CCDC63: variants seen among roughly 807,000 people sequenced by gnomAD.
CCDC63 encodes the protein coiled-coil domain-containing protein 63.
Under a neutral mutation model 63.6 loss-of-function variants are expected in CCDC63, and 54 were observed. The ratio of observed to expected loss-of-function variants is 0.85; its 90% CI spans 0.68 to 1.07. The LOEUF is 1.07. CCDC63 is among the 50% of genes least tolerant of loss of function. The pLI is 0.00. For synonymous variants in CCDC63, 253 were observed against 266.1 expected, an observed-to-expected ratio of 0.95 and a Z score of 0.48; for missense variants, 637 against 689.6, an observed-to-expected ratio of 0.92 and a Z score of 0.86.
At chr12:110,846,448 G>C (rs1279384095), upstream of CCDC63, among the ~76,000 whole-genome samples, 1 of 152,066 alleles carries the variant, frequency 6.6e-6, no homozygotes. Flanking sequence ...AGTGGGTGGG[G>C]GTCAGGTGGA....
chr12:110,897,635 C>G (rs1261787469), intron 9 of CCDC63, among the ~76,000 whole-genome samples: 1 of 151,190 alleles, frequency 6.6e-6, no homozygotes, highest in Non-Finnish European at 1.5e-5. Context: ...ATTTTATATT[C>G]ATTTGATTAG....
intron 8 of CCDC63, 130 bp from the exon 9 acceptor site, chr12:110,892,946 C>G (rs2071375513): frequency 4.4e-6 from 3 of 689,214 alleles, no homozygotes; most frequent in Non-Finnish European, 7.5e-6. Context: ...AAGAGGGGCC[C>G]AGGTGTTTGG....
rs1234449641 is a variant in CCDC63 at position 110,889,988 on chromosome 12, T to C, written c.1075-3088T>C. Among the ~76,000 whole-genome samples the C allele has an allele frequency of 6.6e-6, 1 of 152,124 alleles. No homozygotes were observed. The highest frequency in any genetic ancestry group is 1.5e-5 in the Non-Finnish European group (1 of 68,018). On this transcript the variant is annotated intron_variant, in intron 8 of 11. Coordinates refer to ENST00000308208, the MANE Select transcript of CCDC63 (RefSeq NM_152591.3). This position sits in a 1 kb window ranked among gnomAD's most constrained non-coding sequence, Gnocchi z 4.1. ...ATAATTCCATCACACGGACATAGCA[T>C]TGTTTCATCTTTTTGGTAGAGTTCT... is the stretch of plus-strand genomic sequence containing the variant.
chr12:110,891,517 T>C (rs2136721428), intron 8 of CCDC63, among the ~76,000 whole-genome samples: 1 of 150,166 alleles, frequency 6.7e-6, no homozygotes, highest in South Asian at 2.1e-4. Flanking sequence ...TAGTCAGGCA[T>C]GTGCCTGTGG....
chr12:110,851,602 G>A (rs1468420537), intron 1 of CCDC63, among the ~76,000 whole-genome samples: 3 of 152,130 alleles, frequency 2.0e-5, no homozygotes, highest in Admixed American at 6.6e-5. Flanking sequence ...AGGTGGTGGG[G>A]TATGGTCAGC....
chr12:110,868,591 C>T (rs1209841717), intron 4 of CCDC63, among the ~76,000 whole-genome samples: 1 of 151,702 alleles, frequency 6.6e-6, no homozygotes, highest in African/African-American at 2.4e-5. Context: ...TGTGGCGGCG[C>T]GTGCCTGCAA....
intron 1 of CCDC63, among the ~76,000 whole-genome samples, chr12:110,848,275 T>C (rs895423306): frequency 6.6e-6 from 1 of 152,178 alleles, no homozygotes; most frequent in Non-Finnish European, 1.5e-5. Context: ...GTAGGTTGAA[T>C]TGGCCCCATG....
chr12:110,905,054 C>T (rs1384359197), intron 11 of CCDC63, among the ~76,000 whole-genome samples: 1 of 152,070 alleles, frequency 6.6e-6, no homozygotes, highest in Non-Finnish European at 1.5e-5. Context: ...TTTTAAAAGT[C>T]AAAACTACCT....
intron 4 of CCDC63, among the ~76,000 whole-genome samples, chr12:110,867,309 C>T (rs1417037968): frequency 3.9e-5 from 4 of 101,740 alleles, no homozygotes; most frequent in Non-Finnish European, 4.1e-5. Context: ...CGGGCAGAGG[C>T]GCCCCTCACC....
chr12:110,869,272 T>C (rs143660198), intron 4 of CCDC63, among the ~76,000 whole-genome samples: 1 of 152,266 alleles, frequency 6.6e-6, no homozygotes, highest in East Asian at 1.9e-4. Flanking sequence ...TAGACTATCC[T>C]CATCAAGCCA....
At chr12:110,898,797 G>GTCTC (rs1282272206) in intron 9 of CCDC63, 136 bp from the exon 10 acceptor site, 2 of 511,744 alleles carry the variant, frequency 3.9e-6, no homozygotes, top group East Asian at 3.2e-5. Flanking sequence ...AATTTGATGG[G>GTCTC]AACCCATTTA....
At chr12:110,866,324 T>TTTTTTTA (rs398021066) in intron 4 of CCDC63, among the ~76,000 whole-genome samples, 63 of 146,422 alleles carry the variant, frequency 4.3e-4, no homozygotes, top group African/African-American at 1.1e-3. Flanking sequence ...TTTTTTTTTT[T>TTTTTTTA]AATTTATTTT....
intron 4 of CCDC63, among the ~76,000 whole-genome samples, chr12:110,862,201 A>G (rs1323290599): frequency 6.6e-6 from 1 of 152,230 alleles, no homozygotes. Context: ...TAGAAGCATT[A>G]GGAAGAGGCA....
rs1355990182 is a variant in CCDC63, at chr12:110,883,447, G to C, written c.854-583G>C. Among the ~76,000 whole-genome samples the C allele has an allele frequency of 2.0e-5, 3 of 152,190 alleles. No individual in the cohort carries two copies. The South Asian group carries it at 6.2e-4, about 31-fold the overall frequency. On this transcript the variant is annotated intron_variant, in intron 7 of 11. Transcript: ENST00000308208. ...ATTACAGGTGTGAGCTACCATGCCC[G>C]GCCAGGGCAGGGATTTTGTATCAGC...
intron 11 of CCDC63, 90 bp downstream of exon 11, chr12:110,904,881 C>A: frequency 9.4e-7 from 1 of 1,069,260 alleles, no homozygotes; most frequent in Non-Finnish European, 1.3e-6. Context: ...CCGAGAGGGT[C>A]TGCAGTGTTG....
chr12:110,858,179 A>C lies in CCDC63; in HGVS notation c.180-407A>C, dbSNP rs2070803425. ...AAATAAAAAATAAAATAAATAAAAT[A>C]AAATCCTGCCTGATGGTTTGCTCCT... is the stretch of plus-strand genomic sequence containing the variant. On this transcript the variant is annotated intron_variant, in intron 3 of 11. Coordinates refer to ENST00000308208, the MANE Select transcript of CCDC63 (RefSeq NM_152591.3). Among the ~76,000 whole-genome samples the C allele has an allele frequency of 2.6e-5, 4 of 152,062 alleles. No homozygotes were observed. In the South Asian group the frequency reaches 8.3e-4, roughly 32 times the overall value.
In CCDC63 at chr12:110,858,689, G is replaced by A. The variant is rs137859782; in HGVS notation, c.283G>A (p.Glu95Lys). ...NMNRSEKNYM[E>K]LRLLLQTKED... Reference sequence around the variant, plus strand: ...GAATCGGAGTGAGAAGAACTACATGGAGCTGCGACTCCTGCTCCAAACTAA... The same window carrying A: ...GAATCGGAGTGAGAAGAACTACATGAAGCTGCGACTCCTGCTCCAAACTAA... Residue 95 changes from glutamate to lysine, a missense_variant, in exon 4 of 12, where the codon GAG becomes AAG. Physicochemically the swap from Glu to Lys is moderately conservative, Grantham distance 56. Transcript: ENST00000308208. The A allele has an allele frequency of 6.8e-6, 11 of 1,614,078 alleles. No individual in the cohort carries two copies. Among genetic ancestry groups the A allele is most frequent in the Admixed American group, 6.7e-5 (4 of 59,988 alleles).
At position 110,904,638 on chromosome 12, in the gene CCDC63, C is replaced by A. The variant is rs762320804; in HGVS notation, c.1393C>A (p.Arg465Ser). ...CCTGCTGCTGTTGGAGACCTACAGG[C>A]GCATCCTGGAAGTGGAAGGGGCAGA... ...NDLLLLETYRRILEVEGAEAE... is the reference protein window; with the variant it reads ...NDLLLLETYRSILEVEGAEAE... Residue 465 changes from arginine (R) to serine (S), a missense_variant, in exon 11 of 12, where the codon CGC becomes AGC. Arg to Ser is a moderately radical substitution (Grantham distance 110). Coordinates refer to ENST00000308208, the MANE Select transcript of CCDC63 (RefSeq NM_152591.3). 40 of 1,613,908 alleles carry A rather than the reference C, an allele frequency of 2.5e-5. No homozygotes were observed. Among genetic ancestry groups the A allele is most frequent in the Non-Finnish European group, 3.2e-5 (38 of 1,180,004 alleles).
intron 4 of CCDC63, among the ~76,000 whole-genome samples, chr12:110,865,464 C>CAAAAAAAAAAAAAAAAAA (rs10585238): frequency 3.8e-4 from 39 of 102,202 alleles, no homozygotes; most frequent in East Asian, 6.5e-4. Context: ...CAGCATATAC[C>CAAAAAAAAAAAAAAAAAA]AAAAAAAAAA....
Sources: gnomAD v4.1 joint callset for allele counts (sites outside exome capture counted in the v4.1 genomes callset) on GRCh38, gnomAD v4.1.1 for gene constraint, Gnocchi (gnomAD v3.1) non-coding constraint, MANE v1.5 for transcripts, NCBI Gene and HGNC (gene_info 2026-07-23, HGNC 2026-07-21) for gene names.